MAGI2: variants seen among roughly 807,000 people sequenced by gnomAD.
MAGI2 encodes membrane-associated guanylate kinase, WW and PDZ domain-containing protein 2.
Under a neutral mutation model 133.3 loss-of-function variants are expected in MAGI2, and 35 were observed. The ratio of observed to expected loss-of-function variants is 0.26; its 90% CI spans 0.20 to 0.35. The LOEUF (loss-of-function observed/expected upper bound fraction) is 0.35. Among genes scored for constraint, MAGI2 ranks in the 10% least tolerant of loss-of-function variants. The pLI is 1.00. For synonymous variants in MAGI2, 729 were observed against 710.6 expected (o/e 1.03, Z -0.41); for missense variants, 1,636 against 1,863.4 (o/e 0.88, Z 2.25).
rs760565213 is a variant in MAGI2, at chr7:78,511,551, ATTTT to A, written c.755-9768_755-9765del. Among the ~76,000 whole-genome samples the A allele has an allele frequency of 6.9e-3, 881 of 127,838 alleles. 4 individuals are homozygous for A. The highest frequency in any genetic ancestry group is 0.017 in the African/African-American group (539 of 32,402). The allele number at this position is 127,838 out of a possible 152,430, so 83.9% of individuals were successfully genotyped here. On this transcript the variant is annotated intron_variant, in intron 4 of 21. Coordinates refer to ENST00000354212, the MANE Select transcript of MAGI2 (RefSeq NM_012301.4). ...CCATCTTTTATATATATATATATAAATTTTTTTTTTTTTTTTTTTGACACAGTGA... is the reference window on the plus strand; with the variant it reads ...CCATCTTTTATATATATATATATAAATTTTTTTTTTTTTTTGACACAGTGA...
intron 2 of MAGI2, among the ~76,000 whole-genome samples, chr7:78,689,911 C>G (rs1043170335): frequency 2.6e-5 from 4 of 151,820 alleles, no homozygotes; most frequent in Non-Finnish European, 5.9e-5. Flanking sequence ...GGCAGTATTT[C>G]TTTTGGTTAA....
Position 79,011,884 on chromosome 7 carries a change from T to TCTTCCTTCCTTCCTTCCTTC in MAGI2, c.302-4698_302-4679dup, listed in dbSNP as rs779042721. On this transcript the variant is annotated intron_variant, in intron 1 of 21. Transcript: ENST00000354212. ...GTAGAAGATCCTTCCTTCCTTCCTT[T>TCTTCCTTCCTTCCTTCCTTC]CTTCCTTCCTTCCTTCCTTCCTTCC... 1.1e-4 allele frequency among the ~76,000 whole-genome samples: 11 copies of TCTTCCTTCCTTCCTTCCTTC among 103,394 alleles called. No homozygotes were observed. The East Asian group carries it at 1.1e-3, about 10-fold the overall frequency. 67.8% of individuals were successfully genotyped at this position (103,394 alleles called of 152,430 possible). A position where few individuals can be genotyped will look rare whatever the true frequency, so the allele number is the denominator to read the frequency against.
chr7:78,918,076 C>A (rs1179367456), intron 2 of MAGI2, among the ~76,000 whole-genome samples: 2 of 152,096 alleles, frequency 1.3e-5, no homozygotes, highest in African/African-American at 4.8e-5. Context: ...AAGTTCTAAC[C>A]CTCTGATTAC....
At chr7:78,034,181 G>A (rs1207125599) in intron 21 of MAGI2, among the ~76,000 whole-genome samples, 4 of 152,130 alleles carry the variant, frequency 2.6e-5, no homozygotes, top group African/African-American at 9.7e-5. Context: ...AGTTTAATTT[G>A]TTATGACAAA....
intron 9 of MAGI2, among the ~76,000 whole-genome samples, chr7:78,299,592 A>T (rs890946796): frequency 2.6e-5 from 4 of 152,114 alleles, no homozygotes; most frequent in African/African-American, 9.7e-5. Context: ...TGGGGTTGCC[A>T]CTATTCTGTT....
chr7:78,477,929 A>AT (rs11449464), intron 6 of MAGI2, among the ~76,000 whole-genome samples: 58,640 of 151,304 alleles, frequency 0.39, 12,044 homozygotes, highest in East Asian at 0.62. Context: ...TTTTATTTTT[A>AT]TTTTTTTATT....
intron 2 of MAGI2, among the ~76,000 whole-genome samples, chr7:78,879,937 G>A (rs1394746367): frequency 2.6e-5 from 4 of 151,940 alleles, no homozygotes; most frequent in African/African-American, 9.7e-5. Context: ...ACATTTGAAA[G>A]CTTTATCAAT....
At chr7:78,652,683 TAGA>T (rs1020960641) in intron 2 of MAGI2, among the ~76,000 whole-genome samples, 2 of 152,248 alleles carry the variant, frequency 1.3e-5, no homozygotes, top group African/African-American at 4.8e-5. Context: ...ATGAAAACCG[TAGA>T]AGAAAACCTA....
At chr7:78,062,883 G>A (rs1220607220) in intron 21 of MAGI2, among the ~76,000 whole-genome samples, 1 of 152,102 alleles carries the variant, frequency 6.6e-6, no homozygotes, top group Admixed American at 6.6e-5. Context: ...TTAGCTTCCT[G>A]ACATCATCTC....
At chr7:78,244,800 G>C (rs975298553) in intron 10 of MAGI2, among the ~76,000 whole-genome samples, 1 of 151,444 alleles carries the variant, frequency 6.6e-6, no homozygotes, top group Non-Finnish European at 1.5e-5. Flanking sequence ...TAAGTCAAAG[G>C]AGAAAATAAT....
intron 2 of MAGI2, among the ~76,000 whole-genome samples, chr7:78,770,481 T>A (rs919973486): frequency 8.5e-5 from 13 of 152,232 alleles, no homozygotes; most frequent in Non-Finnish European, 1.8e-4. Flanking sequence ...AAATGCCAAG[T>A]CAGCAGATAT....
intron 7 of MAGI2, 122 bp downstream of exon 7, chr7:78,369,034 T>C (rs1793665336): frequency 6.5e-6 from 4 of 620,114 alleles, no homozygotes; most frequent in Admixed American, 6.5e-5. Flanking sequence ...TCTTGGTGGA[T>C]ACTTCAAAGT....
intron 1 of MAGI2, among the ~76,000 whole-genome samples, chr7:79,443,482 T>C (rs981037343): frequency 6.6e-6 from 1 of 152,146 alleles, no homozygotes; most frequent in African/African-American, 2.4e-5. Context: ...CTGAAACTTA[T>C]TGGTGTTTAC....
At chr7:79,202,501 A>G (rs536127795) in intron 1 of MAGI2, among the ~76,000 whole-genome samples, 1 of 152,100 alleles carries the variant, frequency 6.6e-6, no homozygotes, top group African/African-American at 2.4e-5. Flanking sequence ...TGTGTTTATT[A>G]GTTACTGTGA....
intron 6 of MAGI2, chr7:78,486,836 A>G (rs1157515411): frequency 1.3e-5 from 6 of 472,490 alleles, no homozygotes; most frequent in South Asian, 6.5e-5. Context: ...CCTGAGCTCG[A>G]CAGAAAGACA....
intron 2 of MAGI2, among the ~76,000 whole-genome samples, chr7:78,722,743 T>A (rs899292571): frequency 1.3e-5 from 2 of 152,098 alleles, no homozygotes; most frequent in African/African-American, 4.8e-5. Context: ...TGAATGATAT[T>A]AAGGACAATT....
intron 1 of MAGI2, among the ~76,000 whole-genome samples, chr7:79,346,577 A>ACTGC (rs1400218813): frequency 6.6e-6 from 1 of 151,402 alleles, no homozygotes; most frequent in African/African-American, 2.4e-5. Flanking sequence ...CTGCAACTGT[A>ACTGC]CTGCCCTCTG....
At chr7:78,942,966 T>C (rs1204623223) in intron 2 of MAGI2, among the ~76,000 whole-genome samples, 1 of 151,966 alleles carries the variant, frequency 6.6e-6, no homozygotes, top group Non-Finnish European at 1.5e-5. Context: ...TGTTATCAGC[T>C]ATTGTGCCAT....
chr7:78,919,650 C>T (rs573252100), intron 2 of MAGI2, among the ~76,000 whole-genome samples: 9 of 152,036 alleles, frequency 5.9e-5, no homozygotes, highest in East Asian at 1.9e-4. Flanking sequence ...TTTTAATATA[C>T]GTGTAGTTTT....
Sources: allele counts gnomAD v4.1 joint callset (sites outside exome capture counted in the v4.1 genomes callset), GRCh38; gene constraint gnomAD v4.1.1; transcripts MANE v1.5; gene names NCBI Gene and HGNC (gene_info 2026-07-23, HGNC 2026-07-21).